SV2C: variants seen among roughly 807,000 people sequenced by gnomAD.
SV2C encodes solute carrier family 22 member B3.
Under a neutral mutation model 79.7 loss-of-function variants are expected in SV2C, and 49 were observed. The ratio of observed to expected loss-of-function variants is 0.61; its 90% confidence interval spans 0.49 to 0.78. SV2C has a LOEUF of 0.78. SV2C is among the 30% of genes least tolerant of loss of function. The pLI, the probability that SV2C is intolerant of heterozygous loss-of-function variation, is 0.00. For synonymous variants in SV2C, 334 were observed against 333.2 expected, an observed-to-expected ratio of 1.00 and a Z score of -0.03; for missense variants, 833 against 912.9, an observed-to-expected ratio of 0.91 and a Z score of 1.13.
intron 8 of SV2C, among the ~76,000 whole-genome samples, chr5:76,294,303 TC>T (rs1360176625): frequency 3.6e-4 from 44 of 121,060 alleles, no homozygotes; most frequent in East Asian, 3.3e-3. Context: ...ATTCTCTCTC[TC>T]TTTTTTTTTT....
chr5:75,911,528 TG>T, the SV2C span: 1 of 683,006 alleles, frequency 1.5e-6, no homozygotes, highest in Non-Finnish European at 2.6e-6. Flanking sequence ...AGGGTCTCCT[TG>T]GGGACTGAGA....
intron 12 of SV2C, among the ~76,000 whole-genome samples, chr5:76,303,141 A>G (rs1401641571): frequency 1.3e-5 from 2 of 152,114 alleles, no homozygotes; most frequent in African/African-American, 4.8e-5. Context: ...TGCTTATCAA[A>G]TATTCTAGTT....
chr5:76,030,282 T>TA, the SV2C span, among the ~76,000 whole-genome samples: 148 of 120,380 alleles, frequency 1.2e-3, 4 homozygotes, highest in African/African-American at 4.9e-3. Context: ...TTTTTTTTTT[T>TA]TTTTTTTTTT....
At chr5:76,129,432 GAATTAAAACTAAGATTTCTGC>G (rs1031703782) in intron 1 of SV2C, among the ~76,000 whole-genome samples, 2 of 152,136 alleles carry the variant, frequency 1.3e-5, no homozygotes, top group Admixed American at 1.3e-4. Context: ...TTTTGTCCTG[GAATTAAAACTAAGATTTCTGC>G]AAGAATTTTT....
At chr5:75,976,697 A>G in the SV2C span, among the ~76,000 whole-genome samples, 1 of 152,208 alleles carries the variant, frequency 6.6e-6, no homozygotes, top group Non-Finnish European at 1.5e-5. Flanking sequence ...ATTTGAGTTA[A>G]GTTCAGTAAG....
chr5:75,955,685 A>C, the SV2C span, among the ~76,000 whole-genome samples: 6 of 149,196 alleles, frequency 4.0e-5, no homozygotes, highest in African/African-American at 1.0e-4. Flanking sequence ...CAATGAACTC[A>C]AACAAATTTA....
At chr5:76,215,305 T>C (rs1744881650) in intron 4 of SV2C, among the ~76,000 whole-genome samples, 1 of 152,094 alleles carries the variant, frequency 6.6e-6, no homozygotes, top group Admixed American at 6.5e-5. Context: ...TGATGGTATG[T>C]ATTGGGTGGG....
At chr5:75,989,219 A>G in the SV2C span, among the ~76,000 whole-genome samples, 1 of 151,860 alleles carries the variant, frequency 6.6e-6, no homozygotes, top group South Asian at 2.1e-4. Flanking sequence ...AACGTGTGAT[A>G]TGGTGGTTTG....
intron 3 of SV2C, among the ~76,000 whole-genome samples, chr5:76,208,721 A>T (rs551585020): frequency 2.0e-5 from 3 of 152,372 alleles, no homozygotes; most frequent in African/African-American, 7.2e-5. Context: ...AAAATGAATC[A>T]GTGCACACTT....
chr5:75,894,846 A>G, the SV2C span, among the ~76,000 whole-genome samples: 1 of 152,096 alleles, frequency 6.6e-6, no homozygotes, highest in Non-Finnish European at 1.5e-5. Flanking sequence ...GCACATGCCC[A>G]GGAGAGACTT....
At chr5:76,065,584 T>C in the SV2C span, among the ~76,000 whole-genome samples, 1 of 152,206 alleles carries the variant, frequency 6.6e-6, no homozygotes, top group Non-Finnish European at 1.5e-5. Flanking sequence ...AGAAATAATC[T>C]TTAACATTTT....
the SV2C span, among the ~76,000 whole-genome samples, chr5:75,980,438 T>C: frequency 6.6e-6 from 1 of 152,156 alleles, no homozygotes; most frequent in African/African-American, 2.4e-5. Context: ...CCAATATCCT[T>C]GATGAACATC....
intron 3 of SV2C, among the ~76,000 whole-genome samples, chr5:76,195,312 G>T (rs1744239818): frequency 6.6e-6 from 1 of 152,110 alleles, no homozygotes; most frequent in African/African-American, 2.4e-5. Flanking sequence ...TTTCATAGCT[G>T]ATTATTACTT....
the SV2C span, among the ~76,000 whole-genome samples, chr5:75,865,657 G>T: frequency 4.6e-5 from 7 of 152,210 alleles, no homozygotes; most frequent in African/African-American, 1.7e-4. Flanking sequence ...CTGTTCAGGA[G>T]CCTAGGAAGA....
the SV2C span, among the ~76,000 whole-genome samples, chr5:75,979,065 A>G: frequency 0.071 from 10,883 of 152,264 alleles, 442 homozygotes; most frequent in Admixed American, 0.1. Flanking sequence ...TGAAAAGCAG[A>G]AAAATGCAGG....
At position 76,301,541 on chromosome 5, in the gene SV2C, C is replaced by T. The variant is rs756409524; in HGVS notation, c.1996C>T (p.Arg666Trp). Residue 666 changes from arginine to tryptophan, a missense_variant, in exon 12 of 13, where the codon CGG (arginine) becomes TGG (tryptophan). By Grantham distance (101) the Arg-to-Trp change is moderately radical (BLOSUM62 -3). Coordinates refer to ENST00000502798, the MANE Select transcript of SV2C (RefSeq NM_014979.4). ...CACTGTGGAACTGTACCCCACAGACCGGAGGTATGTTGAAATGGGCCTCTA... is the reference window on the plus strand; with the variant it reads ...CACTGTGGAACTGTACCCCACAGACTGGAGGTATGTTGAAATGGGCCTCTA... ...VVTVELYPTD[R>W]RATGFGFLNA... 29 of 1,612,178 alleles carry T rather than the reference C, an allele frequency of 1.8e-5. No individual in the cohort carries two copies. Among genetic ancestry groups the T allele is most frequent in the Middle Eastern group, 3.4e-4 (2 of 5,954 alleles).
At chr5:75,854,117 A>G in the SV2C span, among the ~76,000 whole-genome samples, 2 of 152,034 alleles carry the variant, frequency 1.3e-5, no homozygotes, top group Admixed American at 6.5e-5. Context: ...CATATAAACC[A>G]AAGAATGGTG....
intron 12 of SV2C, among the ~76,000 whole-genome samples, chr5:76,307,800 C>CT (rs1243341790): frequency 1.3e-5 from 2 of 152,098 alleles, no homozygotes; most frequent in South Asian, 2.1e-4. Context: ...AACCACTAAG[C>CT]TTTTTATTTT....
chr5:75,885,475 T>C, the SV2C span, among the ~76,000 whole-genome samples: 4 of 152,176 alleles, frequency 2.6e-5, no homozygotes, highest in Non-Finnish European at 5.9e-5. Context: ...GTTTCTCAGC[T>C]GTGACGCAAA....
Sources: gnomAD v4.1 joint callset for allele counts (sites outside exome capture counted in the v4.1 genomes callset) on GRCh38, gnomAD v4.1.1 for gene constraint, MANE v1.5 for transcripts, NCBI Gene and HGNC (gene_info 2026-07-23, HGNC 2026-07-21) for gene names.